AHCY: variants seen among roughly 807,000 people sequenced by gnomAD.
The protein encoded by AHCY is adenosylhomocysteinase, also known as S-adenosyl-L-homocysteine hydrolase.
AHCY carries 24 observed loss-of-function variants against 45.4 expected under a neutral mutation model. That is an observed-to-expected ratio of 0.53 (90% CI 0.38 to 0.74). AHCY has a LOEUF of 0.74. AHCY is among the 30% of genes least tolerant of loss of function. AHCY has a pLI of 0.00. For missense variants in AHCY, 449 were observed against 594.1 expected (o/e 0.76, Z 2.54); for synonymous variants, 245 against 235.1 (o/e 1.04, Z -0.39).
In AHCY at chr20:34,303,334, G is replaced by A. The variant is rs1435552109; in HGVS notation, c.-64C>T. On this transcript the variant is annotated 5_prime_UTR_variant, in exon 1 of 10. Transcript: ENST00000217426. ...GGGCCTCAGTCTGGGAACAGGAACT[G>A]GGCGGGCAGCGCCGAGCAGGGATAT... 7 of 1,549,508 alleles carry A rather than the reference G, an allele frequency of 4.5e-6. No homozygotes were observed. Among genetic ancestry groups the A allele is most frequent in the South Asian group, 2.4e-5 (2 of 84,008 alleles).
chr20:34,303,400 G>A, upstream of AHCY: 2 of 1,320,218 alleles, frequency 1.5e-6, no homozygotes, highest in Non-Finnish European at 1.1e-6. Context: ...CCTCGCACTT[G>A]CATATTCATG....
chr20:34,258,499 T>C, the AHCY span, among the ~76,000 whole-genome samples: 17 of 149,238 alleles, frequency 1.1e-4, no homozygotes, highest in African/African-American at 3.9e-4. Context: ...AGTAAATAAA[T>C]GTTTGTATAG....
At chr20:34,250,576 T>C in the AHCY span, among the ~76,000 whole-genome samples, 9 of 152,140 alleles carry the variant, frequency 5.9e-5, no homozygotes, top group Admixed American at 4.6e-4. Flanking sequence ...GGCGGGCGGA[T>C]CACCTGAGAT....
At chr20:34,295,662 C>G in intron 1 of AHCY, 77 bp from the exon 2 acceptor site, 1 of 1,462,592 alleles carries the variant, frequency 6.8e-7, no homozygotes, top group South Asian at 1.2e-5. Flanking sequence ...TGCATGGACC[C>G]CGATCCACGT....
At chr20:34,282,263 T>C (rs2122715961) in intron 9 of AHCY, among the ~76,000 whole-genome samples, 1 of 152,274 alleles carries the variant, frequency 6.6e-6, no homozygotes, top group Non-Finnish European at 1.5e-5. Flanking sequence ...TGAGGATGCA[T>C]AAGCAGCCCT....
At chr20:34,301,176 C>G (rs1040344748) in intron 1 of AHCY, among the ~76,000 whole-genome samples, 14 of 152,186 alleles carry the variant, frequency 9.2e-5, no homozygotes, top group African/African-American at 3.1e-4. Flanking sequence ...AACCGCAGAA[C>G]CAGAACTGGC....
the AHCY span, among the ~76,000 whole-genome samples, chr20:34,240,767 A>C: frequency 5.5e-3 from 842 of 152,252 alleles, 6 homozygotes; most frequent in African/African-American, 0.019. Flanking sequence ...TTCTGAATTA[A>C]ATTTTCATTA....
At chr20:34,264,725 T>C in the AHCY span, among the ~76,000 whole-genome samples, 1 of 152,084 alleles carries the variant, frequency 6.6e-6, no homozygotes, top group South Asian at 2.1e-4. Context: ...CCTTATATTT[T>C]CTTATAATCG....
chr20:34,283,767 A>G (rs548626358), intron 9 of AHCY, among the ~76,000 whole-genome samples: 2 of 152,328 alleles, frequency 1.3e-5, no homozygotes, highest in South Asian at 4.1e-4. Flanking sequence ...GTCCAGCAAG[A>G]CATTGCTCCA....
chr20:34,246,205 T>C, the AHCY span: 1 of 1,438,396 alleles, frequency 7.0e-7, no homozygotes, highest in African/African-American at 1.4e-5. Context: ...TAGTAAGCTT[T>C]TGTGGTATGG....
the AHCY span, among the ~76,000 whole-genome samples, chr20:34,243,109 C>T: frequency 2.0e-5 from 3 of 152,208 alleles, no homozygotes; most frequent in African/African-American, 7.2e-5. Context: ...TAGACTCTGA[C>T]CCCTGTTTCA....
At chr20:34,243,328 A>C in the AHCY span, among the ~76,000 whole-genome samples, 1 of 152,234 alleles carries the variant, frequency 6.6e-6, no homozygotes, top group African/African-American at 2.4e-5. Context: ...ACCCATTAAA[A>C]TATTATTCAA....
the AHCY span, among the ~76,000 whole-genome samples, chr20:34,258,487 T>C: frequency 1.3e-5 from 2 of 149,688 alleles, no homozygotes; most frequent in African/African-American, 2.5e-5. Flanking sequence ...TAACAAATGA[T>C]AAGTAAATAA....
At chr20:34,263,850 T>G in the AHCY span, among the ~76,000 whole-genome samples, 2 of 151,766 alleles carry the variant, frequency 1.3e-5, no homozygotes, top group Non-Finnish European at 2.9e-5. Flanking sequence ...TTTGTATTTT[T>G]AGTAGAGATG....
chr20:34,304,829 C>T (rs2036875569), upstream of AHCY, among the ~76,000 whole-genome samples: 1 of 151,972 alleles, frequency 6.6e-6, no homozygotes, highest in Admixed American at 6.6e-5. Context: ...GCTGGGATTA[C>T]AGGCATGAGC....
chr20:34,233,044 G>A, the AHCY span, among the ~76,000 whole-genome samples: 1 of 151,298 alleles, frequency 6.6e-6, no homozygotes, highest in African/African-American at 2.4e-5. Context: ...AAATCAGTGT[G>A]TCCCAACCCA....
At chr20:34,243,409 T>C in the AHCY span, among the ~76,000 whole-genome samples, 1 of 152,198 alleles carries the variant, frequency 6.6e-6, no homozygotes, top group South Asian at 2.1e-4. Context: ...TACGTGTATG[T>C]AGATACAGCC....
chr20:34,280,423 G>A lies in AHCY; in HGVS notation c.*611C>T, dbSNP rs2035963554. 6.5e-6 allele frequency: 1 copy of A among 153,622 alleles called. No homozygotes were observed. Among genetic ancestry groups the A allele is most frequent in the East Asian group, 1.9e-4 (1 of 5,144 alleles). 9.5% of individuals were successfully genotyped at this position (153,622 alleles called of 1,614,324 possible). ...AATCTGCCTGCATTCATGTTTTTCT[G>A]GCCCCTCTCAACCCCTAGCTGTCAC... On this transcript the variant is annotated 3_prime_UTR_variant, in exon 10 of 10. Coordinates refer to ENST00000217426, the MANE Select transcript of AHCY (RefSeq NM_000687.4).
chr20:34,282,810 C>G (rs2036046225), intron 9 of AHCY, among the ~76,000 whole-genome samples: 1 of 152,174 alleles, frequency 6.6e-6, no homozygotes, highest in Non-Finnish European at 1.5e-5. Flanking sequence ...TAAATACAAG[C>G]AAGCCTCTAA....
Sources: gnomAD v4.1 joint callset for allele counts (sites outside exome capture counted in the v4.1 genomes callset) on GRCh38, gnomAD v4.1.1 for gene constraint, MANE v1.5 for transcripts, NCBI Gene and HGNC (gene_info 2026-07-23, HGNC 2026-07-21) for gene names.